GRID2: variants seen among roughly 807,000 people sequenced by gnomAD.
GRID2 encodes the protein glutamate receptor ionotropic, delta-2.
Under a neutral mutation model 114.8 loss-of-function variants are expected in GRID2, and 33 were observed. That is an observed-to-expected ratio of 0.29 (90% confidence interval 0.22 to 0.38). The LOEUF (loss-of-function observed/expected upper bound fraction) is 0.38. GRID2 is among the 10% of genes least tolerant of loss of function. GRID2 has a pLI of 1.00. For missense variants in GRID2, 1,184 were observed against 1,257.7 expected, an observed-to-expected ratio of 0.94 and a Z score of 0.89; for synonymous variants, 505 against 449.9, an observed-to-expected ratio of 1.12 and a Z score of -1.55.
At chr4:93,189,773 C>CCACACACACA (rs34137840) in intron 4 of GRID2, among the ~76,000 whole-genome samples, 115 of 138,970 alleles carry the variant, frequency 8.3e-4, no homozygotes, top group African/African-American at 2.6e-3. Flanking sequence ...CCACACCACA[C>CCACACACACA]CACACACACA....
intron 2 of GRID2, among the ~76,000 whole-genome samples, chr4:93,002,402 G>A (rs1015452333): frequency 1.3e-4 from 19 of 151,348 alleles, no homozygotes; most frequent in Non-Finnish European, 1.3e-4. Context: ...CTTGTTTACC[G>A]TAGCCAAAAA....
chr4:93,667,295 AAGAC>A (rs1307010540), intron 14 of GRID2, among the ~76,000 whole-genome samples: 1 of 152,002 alleles, frequency 6.6e-6, no homozygotes, highest in Admixed American at 6.6e-5. Context: ...TTAAAGGACA[AAGAC>A]AGACTAGCAT....
intron 1 of GRID2, among the ~76,000 whole-genome samples, chr4:93,796,870 A>T (rs1423052878): frequency 6.6e-6 from 1 of 152,126 alleles, no homozygotes; most frequent in Non-Finnish European, 1.5e-5. Flanking sequence ...ACTTGTAAAG[A>T]GTGTTAAGCT....
In GRID2 at chr4:93,122,450, A is replaced by G. The variant is rs576747131; in HGVS notation, c.735+11497A>G. 4.9e-4 allele frequency among the ~76,000 whole-genome samples: 75 copies of G among 152,306 alleles called. 1 individual carries two copies. In the South Asian group the frequency reaches 7.0e-3, roughly 14 times the overall value. On this transcript the variant is annotated intron_variant, in intron 4 of 15. Coordinates refer to ENST00000282020, the MANE Select transcript of GRID2 (RefSeq NM_001510.4). ...ACTGCATCCTATTGCTATGACCTAT[A>G]TATTATTTTCTAATATGAAGCACAT...
At chr4:93,014,590 A>G (rs1722498551) in intron 2 of GRID2, among the ~76,000 whole-genome samples, 3 of 152,274 alleles carry the variant, frequency 2.0e-5, no homozygotes, top group South Asian at 2.1e-4. Context: ...TTTGATGACA[A>G]TACTGAAGAC....
At chr4:92,506,354 C>T (rs941898026) in intron 1 of GRID2, among the ~76,000 whole-genome samples, 4 of 151,908 alleles carry the variant, frequency 2.6e-5, no homozygotes, top group African/African-American at 9.7e-5. Context: ...CTATGTGACA[C>T]AATATCTGTA....
intron 1 of GRID2, among the ~76,000 whole-genome samples, chr4:92,426,450 A>T (rs895658181): frequency 2.0e-5 from 3 of 152,138 alleles, no homozygotes; most frequent in East Asian, 1.9e-4. Context: ...TGTCTACCTG[A>T]TCTAGTCTGT....
At chr4:93,041,747 G>T (rs1725535581) in intron 2 of GRID2, among the ~76,000 whole-genome samples, 1 of 152,062 alleles carries the variant, frequency 6.6e-6, no homozygotes, top group Non-Finnish European at 1.5e-5. Context: ...AATCAGTAAT[G>T]AAATAGTTAA....
At chr4:93,296,936 T>C (rs903132579) in intron 8 of GRID2, among the ~76,000 whole-genome samples, 11 of 152,206 alleles carry the variant, frequency 7.2e-5, no homozygotes, top group African/African-American at 2.4e-4. Context: ...CCCCCTATAT[T>C]GTATTCCAAA....
chr4:93,049,404 T>A (rs980326642), intron 2 of GRID2, among the ~76,000 whole-genome samples: 2 of 151,990 alleles, frequency 1.3e-5, no homozygotes, highest in Non-Finnish European at 2.9e-5. Context: ...TGTATTCACT[T>A]TTGACTCTCT....
chr4:93,268,809 C>T (rs1376263502), intron 8 of GRID2, among the ~76,000 whole-genome samples: 1 of 152,096 alleles, frequency 6.6e-6, no homozygotes, highest in East Asian at 1.9e-4. Context: ...AGCTAAAGCA[C>T]ATCTATCTTC....
intron 14 of GRID2, among the ~76,000 whole-genome samples, chr4:93,733,828 G>A (rs1291327222): frequency 6.6e-6 from 1 of 151,928 alleles, no homozygotes; most frequent in East Asian, 1.9e-4. Context: ...TCCCTCTAAG[G>A]TTTTCAGAAC....
intron 1 of GRID2, among the ~76,000 whole-genome samples, chr4:92,353,102 G>A (rs1387062371): frequency 2.6e-5 from 4 of 151,422 alleles, no homozygotes; most frequent in Non-Finnish European, 5.9e-5. Context: ...TTACCTTCAA[G>A]TTCACTAACT....
At chr4:92,926,770 A>G (rs1404036354) in intron 2 of GRID2, among the ~76,000 whole-genome samples, 3 of 151,930 alleles carry the variant, frequency 2.0e-5, no homozygotes, top group Non-Finnish European at 4.4e-5. Flanking sequence ...CGAGATTGAG[A>G]GACCACACCT....
intron 2 of GRID2, among the ~76,000 whole-genome samples, chr4:92,679,088 C>G (rs956757850): frequency 6.6e-6 from 1 of 151,308 alleles, no homozygotes; most frequent in Non-Finnish European, 1.5e-5. Flanking sequence ...GCTTCAATTC[C>G]TAAACATCTA....
chr4:93,421,368 G>A (rs1298380615), intron 9 of GRID2, among the ~76,000 whole-genome samples: 1 of 152,084 alleles, frequency 6.6e-6, no homozygotes, highest in East Asian at 1.9e-4. Context: ...CTCCTCTGGA[G>A]GACAACTAGC....
intron 2 of GRID2, among the ~76,000 whole-genome samples, chr4:92,826,661 A>G (rs967031173): frequency 2.0e-5 from 3 of 152,132 alleles, no homozygotes; most frequent in Non-Finnish European, 2.9e-5. Context: ...CTTGCATTAC[A>G]TTATTCTAGC....
chr4:93,561,576 C>G (rs755838823), intron 13 of GRID2, among the ~76,000 whole-genome samples: 1 of 152,078 alleles, frequency 6.6e-6, no homozygotes, highest in East Asian at 1.9e-4. Context: ...TTAGGGTTCA[C>G]TCTTGGTGTT....
chr4:93,258,181 T>C (rs1017784145), intron 8 of GRID2, among the ~76,000 whole-genome samples: 4 of 151,508 alleles, frequency 2.6e-5, no homozygotes, highest in African/African-American at 9.7e-5. Context: ...TTGTTGTGTT[T>C]GAATAATTAA....
Sources: gnomAD v4.1 joint callset for allele counts (sites outside exome capture counted in the v4.1 genomes callset) on GRCh38, gnomAD v4.1.1 for gene constraint, MANE v1.5 for transcripts, NCBI Gene and HGNC (gene_info 2026-07-23, HGNC 2026-07-21) for gene names.